DLGAP2: variants seen among roughly 807,000 people sequenced by gnomAD.
DLGAP2 encodes the protein disks large-associated protein 2.
A neutral mutation model predicts 100.3 loss-of-function variants in DLGAP2; 26 were observed. That is an observed-to-expected ratio of 0.26 (90% confidence interval 0.19 to 0.36). The LOEUF (loss-of-function observed/expected upper bound fraction) is 0.36, where lower values mean the gene tolerates loss of function less well. DLGAP2 is among the 10% of genes least tolerant of loss of function. The probability of loss-of-function intolerance (pLI) is 1.00; values close to 1 mark genes in which losing one functional copy is unlikely to be tolerated. For missense variants in DLGAP2, 1,858 were observed against 1,453.2 expected, an observed-to-expected ratio of 1.28 and a Z score of -4.53; for synonymous variants, 886 against 630.1, an observed-to-expected ratio of 1.41 and a Z score of -6.08.
rs77921667 is a variant in DLGAP2, at chr8:1,259,181, C to T, written c.106+298C>T. 5.9e-3 allele frequency among the ~76,000 whole-genome samples: 904 copies of T among 152,306 alleles called. 21 individuals are homozygous for T. In the East Asian group the frequency reaches 0.07, roughly 12 times the overall value. On this transcript the variant is annotated intron_variant, in intron 3 of 14. Coordinates refer to ENST00000637795, the MANE Select transcript of DLGAP2 (RefSeq NM_001346810.2). The stretch of plus-strand genomic sequence containing the variant: ...ATCAGTTTCTGTGAGGTAACAGATG[C>T]TGATACAGGCTTGTTGGCTTTAAGT...
In DLGAP2 at chr8:1,585,234, G is replaced by A. The variant is rs186352736; in HGVS notation, c.1442+19340G>A. Among the ~76,000 whole-genome samples, 160 of 152,154 alleles carry A rather than the reference G, an allele frequency of 1.1e-3. 1 individual carries two copies. Among genetic ancestry groups the A allele is most frequent in the African/African-American group, 3.4e-3 (142 of 41,526 alleles). ...TCCCAGCACTTTGGGAGGCGGAGGCGGGCAGATCACTTGAGATCAGGAGTT... is the reference window on the plus strand; with the variant it reads ...TCCCAGCACTTTGGGAGGCGGAGGCAGGCAGATCACTTGAGATCAGGAGTT... On this transcript the variant is annotated intron_variant, in intron 6 of 14. Transcript: ENST00000637795.
chr8:1,443,077 C>T (rs75815609), intron 3 of DLGAP2, among the ~76,000 whole-genome samples: 2,029 of 152,254 alleles, frequency 0.013, 48 homozygotes, highest in African/African-American at 0.045. Context: ...GTTACATTAT[C>T]ATTTTAATAC....
chr8:1,067,555 C>A (rs1224777060), intron 2 of DLGAP2, among the ~76,000 whole-genome samples: 6 of 151,796 alleles, frequency 4.0e-5, no homozygotes, highest in African/African-American at 1.5e-4. Flanking sequence ...GCAACCATTT[C>A]CATGCCCATT....
At chr8:1,495,932 C>G (rs887132118) in intron 3 of DLGAP2, among the ~76,000 whole-genome samples, 1 of 152,176 alleles carries the variant, frequency 6.6e-6, no homozygotes, top group African/African-American at 2.4e-5. Context: ...GAGCCTCTGA[C>G]AGCCAAGGAT....
intron 2 of DLGAP2, among the ~76,000 whole-genome samples, chr8:967,990 C>G (rs1028164150): frequency 6.6e-6 from 1 of 150,418 alleles, no homozygotes. Flanking sequence ...TGTAGCTTCT[C>G]TCCTGATACA....
At chr8:1,202,765 C>T (rs909570814) in intron 2 of DLGAP2, among the ~76,000 whole-genome samples, 3 of 152,196 alleles carry the variant, frequency 2.0e-5, no homozygotes, top group African/African-American at 7.2e-5. Context: ...AGGCCTCAGG[C>T]ATTCACCTTG....
chr8:900,270 CATCCT>C lies in DLGAP2; in HGVS notation c.19-7641_19-7637del, dbSNP rs1798225104. 6.7e-5 allele frequency among the ~76,000 whole-genome samples: 10 copies of C among 148,530 alleles called. No individual in the cohort carries two copies. The East Asian group carries it at 8.1e-4, about 12-fold the overall frequency. ...TTGCTCCCAGGCGGACGGTCGGCGC[CATCCT>C]GTTCACGGCGTCGCTCCCGGGCGGA... On this transcript the variant is annotated intron_variant, in intron 1 of 14. Coordinates refer to ENST00000637795, the MANE Select transcript of DLGAP2 (RefSeq NM_001346810.2).
intron 3 of DLGAP2, among the ~76,000 whole-genome samples, chr8:1,360,082 C>T (rs1459651465): frequency 1.3e-5 from 2 of 152,168 alleles, no homozygotes; most frequent in Non-Finnish European, 2.9e-5. Flanking sequence ...AGGAAATCCA[C>T]CGAAGCCCTT....
At chr8:1,025,085 CGCGTGTATGTGTGT>C (rs978974939) in intron 2 of DLGAP2, among the ~76,000 whole-genome samples, 87 of 151,348 alleles carry the variant, frequency 5.7e-4, no homozygotes, top group African/African-American at 1.1e-3. Flanking sequence ...TGTGTGTGTG[CGCGTGTATGTGTGT>C]GCGTGTATGT....
chr8:1,470,396 C>A (rs2130194404), intron 3 of DLGAP2, among the ~76,000 whole-genome samples: 1 of 152,260 alleles, frequency 6.6e-6, no homozygotes, highest in South Asian at 2.1e-4. Flanking sequence ...GAGCTGGATT[C>A]ATTCTGAGTG....
chr8:1,692,445 C>T lies in DLGAP2; in HGVS notation c.2796+819C>T, dbSNP rs144051437. 6.0e-3 allele frequency among the ~76,000 whole-genome samples: 893 copies of T among 148,276 alleles called. 41 individuals are homozygous for T. Among genetic ancestry groups the T allele is most frequent in the African/African-American group, 0.021 (831 of 39,586 alleles). ...TACGGCCCTGGTTTAAACGCGGTACCGAGGCAGGGAGGTGGATATGGCCCT... is the reference window on the plus strand; with the variant it reads ...TACGGCCCTGGTTTAAACGCGGTACTGAGGCAGGGAGGTGGATATGGCCCT... On this transcript the variant is annotated intron_variant, in intron 13 of 14. Coordinates refer to ENST00000637795, the MANE Select transcript of DLGAP2 (RefSeq NM_001346810.2).
intron 1 of DLGAP2, among the ~76,000 whole-genome samples, chr8:863,250 C>T (rs1470013302): frequency 6.6e-6 from 1 of 152,110 alleles, no homozygotes; most frequent in Non-Finnish European, 1.5e-5. Context: ...ATGCTCTGCA[C>T]CAGGGTTATT....
At chr8:1,287,162 G>GCA (rs1563061960) in intron 3 of DLGAP2, among the ~76,000 whole-genome samples, 6 of 130,870 alleles carry the variant, frequency 4.6e-5, no homozygotes, top group African/African-American at 8.2e-5. Flanking sequence ...GTGTGTGCGC[G>GCA]CGCGCGCGTG....
intron 2 of DLGAP2, among the ~76,000 whole-genome samples, chr8:975,107 A>T (rs1377020052): frequency 6.6e-6 from 1 of 152,220 alleles, no homozygotes; most frequent in Non-Finnish European, 1.5e-5. Flanking sequence ...AAAGAATACT[A>T]TGAATAACTC....
chr8:1,422,959 G>A (rs1408475288), intron 3 of DLGAP2, among the ~76,000 whole-genome samples: 2 of 152,156 alleles, frequency 1.3e-5, no homozygotes, highest in Admixed American at 6.5e-5. Context: ...CTTAGCCTGG[G>A]GAGGGGATCC....
chr8:986,499 TCTTA>T (rs1032633903), intron 2 of DLGAP2, among the ~76,000 whole-genome samples: 2 of 152,112 alleles, frequency 1.3e-5, no homozygotes, highest in African/African-American at 4.8e-5. Flanking sequence ...AAGTATAATT[TCTTA>T]CTTAGAGTTA....
intron 3 of DLGAP2, among the ~76,000 whole-genome samples, chr8:1,377,221 T>C (rs1795968766): frequency 1.3e-5 from 2 of 152,204 alleles, no homozygotes; most frequent in East Asian, 1.9e-4. Context: ...GCAGAGGTGT[T>C]TGGGGCCAGC....
At chr8:1,348,810 T>G (rs1221292097) in intron 3 of DLGAP2, among the ~76,000 whole-genome samples, 2 of 152,192 alleles carry the variant, frequency 1.3e-5, no homozygotes, top group African/African-American at 4.8e-5. Flanking sequence ...TGTTGATGGA[T>G]TCAGCACCAG....
chr8:835,763 T>C (rs1796861781), intron 1 of DLGAP2, among the ~76,000 whole-genome samples: 1 of 152,204 alleles, frequency 6.6e-6, no homozygotes, highest in African/African-American at 2.4e-5. Context: ...TTATGGCTGT[T>C]AATTTACAGT....
Sources: allele counts gnomAD v4.1 joint callset (sites outside exome capture counted in the v4.1 genomes callset), GRCh38; gene constraint gnomAD v4.1.1; transcripts MANE v1.5; gene names NCBI Gene and HGNC (gene_info 2026-07-23, HGNC 2026-07-21).